KLHL2: variants seen among roughly 807,000 people sequenced by gnomAD.
The protein encoded by KLHL2 is kelch like family member 2, also known as kelch-like protein 2.
Under a neutral mutation model 75.8 loss-of-function variants are expected in KLHL2, and 15 were observed. The ratio of observed to expected loss-of-function variants is 0.20; its 90% confidence interval spans 0.13 to 0.30. The LOEUF is 0.30. Among genes scored for constraint, KLHL2 ranks in the 10% least tolerant of loss-of-function variants. The probability of loss-of-function intolerance (pLI) is 1.00; values close to 1 mark genes in which losing one functional copy is unlikely to be tolerated. For synonymous variants in KLHL2, 214 were observed against 251.9 expected (o/e 0.85, Z 1.42); for missense variants, 381 against 741.0 (o/e 0.51, Z 5.64).
rs1741897021 is a variant in KLHL2, at chr4:165,263,718, A to G, written c.544+359A>G. Reference sequence around the variant, plus strand: ...TCCAGGGTTCAAGAAGAATAGCTGTATGTATTTTTCTTTCAAATTGTTAAA... The same window carrying G: ...TCCAGGGTTCAAGAAGAATAGCTGTGTGTATTTTTCTTTCAAATTGTTAAA... On this transcript the variant is annotated intron_variant, in intron 5 of 14. Transcript: ENST00000226725. 3.4e-5 allele frequency among the ~76,000 whole-genome samples: 5 copies of G among 147,972 alleles called. No homozygotes were observed. The South Asian group carries it at 1.1e-3, about 32-fold the overall frequency.
intron 6 of KLHL2, 43 bp from the exon 7 acceptor site, chr4:165,297,566 A>G: frequency 8.6e-7 from 1 of 1,168,106 alleles, no homozygotes; most frequent in South Asian, 1.2e-5. Flanking sequence ...GCCTTGATAC[A>G]CAACTCATTT....
intron 4 of KLHL2, among the ~76,000 whole-genome samples, chr4:165,252,852 G>A (rs1333022589): frequency 6.6e-6 from 1 of 152,018 alleles, no homozygotes; most frequent in Non-Finnish European, 1.5e-5. Context: ...AATGCTGTCC[G>A]TTGACCTCTG....
At chr4:165,277,850 AG>A (rs1451671723) in intron 5 of KLHL2, 1 of 764,378 alleles carries the variant, frequency 1.3e-6, no homozygotes, top group Non-Finnish European at 2.4e-6. Flanking sequence ...GTCTACTTGG[AG>A]GGTCACGCAG....
chr4:165,220,695 T>C (rs1188520873), intron 2 of KLHL2, among the ~76,000 whole-genome samples: 3 of 152,236 alleles, frequency 2.0e-5, no homozygotes, highest in Non-Finnish European at 2.9e-5. Context: ...GTCTAGGGCT[T>C]CTAACTTACT....
chr4:165,251,690 A>C (rs959239257), intron 4 of KLHL2, among the ~76,000 whole-genome samples: 4 of 148,522 alleles, frequency 2.7e-5, no homozygotes, highest in African/African-American at 9.9e-5. Context: ...GCTCACTGCA[A>C]GCTCCGCCTC....
At chr4:165,313,181 GTTTT>G in intron 11 of KLHL2, 53 bp from the exon 12 acceptor site, 2 of 1,560,612 alleles carry the variant, frequency 1.3e-6, no homozygotes, top group Non-Finnish European at 1.7e-6. Flanking sequence ...AAAAATTAGT[GTTTT>G]TTGTTTGTTT....
intron 1 of KLHL2, among the ~76,000 whole-genome samples, chr4:165,213,690 A>G (rs1737354167): frequency 6.6e-6 from 1 of 152,152 alleles, no homozygotes; most frequent in Non-Finnish European, 1.5e-5. Flanking sequence ...CAGCCTTCCT[A>G]ATGTTTCTTA....
rs1323043527 is a variant in KLHL2 at position 165,264,704 on chromosome 4, G to GTGTA, written c.544+1346_544+1347insGTAT. Reference sequence around the variant, plus strand: ...TGTATGTGTGTGTGTGTGTGTGTGTGTATATATATATATATACATATATAT... The same window carrying GTGTA: ...TGTATGTGTGTGTGTGTGTGTGTGTGTGTATATATATATATATATACATATATAT... On this transcript the variant is annotated intron_variant, in intron 5 of 14. Transcript: ENST00000226725. Among the ~76,000 whole-genome samples the GTGTA allele has an allele frequency of 8.0e-4, 66 of 82,848 alleles. 1 individual carries two copies. Among genetic ancestry groups the GTGTA allele is most frequent in the African/African-American group, 1.8e-3 (38 of 21,680 alleles). 54.4% of individuals were successfully genotyped at this position (82,848 alleles called of 152,430 possible). A position where few individuals can be genotyped will look rare whatever the true frequency, so the allele number is the denominator to read the frequency against.
chr4:165,258,395 CAAAA>C lies in KLHL2; in HGVS notation c.382-4787_382-4784del, dbSNP rs56083222. 6.0e-3 allele frequency among the ~76,000 whole-genome samples: 635 copies of C among 105,516 alleles called. 2 individuals are homozygous for C. The highest frequency in any genetic ancestry group is 0.028 in the South Asian group (75 of 2,702). The allele number at this position is 105,516 out of a possible 152,430, so 69.2% of individuals were successfully genotyped here. A position where few individuals can be genotyped will look rare whatever the true frequency, so the allele number is the denominator to read the frequency against. ...CATGATGGTCTGTGCTTAACTATGACAAAAAAAAAAAAAAAAAAGGATCATAGAG... is the reference window on the plus strand; with the variant it reads ...CATGATGGTCTGTGCTTAACTATGACAAAAAAAAAAAAAAGGATCATAGAG... On this transcript the variant is annotated intron_variant, in intron 4 of 14. Transcript: ENST00000226725.
intron 5 of KLHL2, among the ~76,000 whole-genome samples, chr4:165,284,903 C>G (rs1205431581): frequency 6.6e-6 from 1 of 152,182 alleles, no homozygotes; most frequent in Non-Finnish European, 1.5e-5. Context: ...AGCAGGCAAA[C>G]AGAGCTTGTG....
At chr4:165,251,070 T>A (rs1284517098) in intron 4 of KLHL2, among the ~76,000 whole-genome samples, 1 of 139,226 alleles carries the variant, frequency 7.2e-6, no homozygotes, top group Admixed American at 6.9e-5. Flanking sequence ...GGGATAGAAG[T>A]CCTTTGTGAG....
intron 6 of KLHL2, among the ~76,000 whole-genome samples, chr4:165,296,267 C>T (rs774005415): frequency 1.3e-5 from 2 of 152,160 alleles, no homozygotes; most frequent in Non-Finnish European, 2.9e-5. Context: ...CCGGGGCTCC[C>T]GGTTGATTGG....
At chr4:165,224,038 C>A in intron 2 of KLHL2, 1 of 363,840 alleles carries the variant, frequency 2.7e-6, no homozygotes, top group Non-Finnish European at 5.4e-6. Flanking sequence ...CCTCAGCCTC[C>A]CGAGTAGCTG....
At chr4:165,212,591 C>T (rs1394724619) in intron 1 of KLHL2, among the ~76,000 whole-genome samples, 10 of 152,152 alleles carry the variant, frequency 6.6e-5, no homozygotes, top group Non-Finnish European at 1.5e-4. Context: ...TTCTTGTTTT[C>T]CTACTCTGGT....
At chr4:165,258,134 A>G (rs926024663) in intron 4 of KLHL2, among the ~76,000 whole-genome samples, 1 of 152,214 alleles carries the variant, frequency 6.6e-6, no homozygotes. Flanking sequence ...AGATGTACCC[A>G]AGAGAGATAT....
intron 5 of KLHL2, among the ~76,000 whole-genome samples, chr4:165,293,743 C>T (rs1000285608): frequency 1.3e-5 from 2 of 148,336 alleles, no homozygotes; most frequent in Non-Finnish European, 3.0e-5. Context: ...GTCTCGATCT[C>T]CTGACCTTGT....
intron 14 of KLHL2, among the ~76,000 whole-genome samples, chr4:165,320,743 G>A (rs1746912918): frequency 6.6e-6 from 1 of 152,216 alleles, no homozygotes; most frequent in East Asian, 1.9e-4. Context: ...GAAAAAAACT[G>A]TGTTCAGATG....
At chr4:165,304,834 T>G (rs560010604) in intron 8 of KLHL2, among the ~76,000 whole-genome samples, 1 of 152,344 alleles carries the variant, frequency 6.6e-6, no homozygotes, top group South Asian at 2.1e-4. Context: ...ATCTATCAAG[T>G]CTTGAAGGGT....
At chr4:165,235,852 G>A (rs1330974303) in intron 3 of KLHL2, among the ~76,000 whole-genome samples, 6 of 152,238 alleles carry the variant, frequency 3.9e-5, no homozygotes, top group Admixed American at 3.3e-4. Context: ...GTAAGACATT[G>A]CTTGGTGTCT....
Sources: gnomAD v4.1 joint callset for allele counts (sites outside exome capture counted in the v4.1 genomes callset) on GRCh38, gnomAD v4.1.1 for gene constraint, MANE v1.5 for transcripts, NCBI Gene and HGNC (gene_info 2026-07-23, HGNC 2026-07-21) for gene names.